PRKG1: variants seen among roughly 807,000 people sequenced by gnomAD.
PRKG1 encodes the protein cGMP-dependent protein kinase 1.
PRKG1 carries 35 observed loss-of-function variants against 88.1 expected under a neutral mutation model. That is an observed-to-expected ratio of 0.40 (90% CI 0.30 to 0.53). The LOEUF is 0.53. Among genes scored for constraint, PRKG1 ranks in the 20% least tolerant of loss-of-function variants. The pLI is 0.59. For missense variants in PRKG1, 540 were observed against 839.8 expected (o/e 0.64, Z 4.41); for synonymous variants, 303 against 292.5 (o/e 1.04, Z -0.37).
intron 3 of PRKG1, among the ~76,000 whole-genome samples, chr10:51,588,098 G>A (rs180954347): frequency 1.3e-3 from 194 of 152,270 alleles, no homozygotes; most frequent in African/African-American, 4.3e-3. Context: ...TGGAGGGACT[G>A]TCTCTTGACA....
intron 5 of PRKG1, among the ~76,000 whole-genome samples, chr10:51,966,374 A>C (rs1057502857): frequency 6.6e-6 from 1 of 152,120 alleles, no homozygotes; most frequent in Non-Finnish European, 1.5e-5. Flanking sequence ...ACTTTCTTAC[A>C]TATGAATTCA....
chr10:51,636,768 C>A (rs574817543), intron 3 of PRKG1, among the ~76,000 whole-genome samples: 1 of 152,172 alleles, frequency 6.6e-6, no homozygotes, highest in Admixed American at 6.5e-5. Flanking sequence ...TAGTTTGTTA[C>A]TTTTAACTAA....
intron 2 of PRKG1, among the ~76,000 whole-genome samples, chr10:51,332,085 A>C (rs971759994): frequency 5.9e-5 from 9 of 152,150 alleles, no homozygotes; most frequent in South Asian, 4.1e-4. Context: ...ACCTCATCAA[A>C]ATGGATAGAT....
intron 3 of PRKG1, among the ~76,000 whole-genome samples, chr10:51,718,592 T>A (rs1841940087): frequency 6.6e-6 from 1 of 152,220 alleles, no homozygotes; most frequent in Non-Finnish European, 1.5e-5. Flanking sequence ...TAAATATTCA[T>A]GAATCATAGT....
At chr10:51,675,501 G>A (rs868101701) in intron 3 of PRKG1, among the ~76,000 whole-genome samples, 3 of 152,080 alleles carry the variant, frequency 2.0e-5, no homozygotes, top group African/African-American at 4.8e-5. Flanking sequence ...CCCTTTCAGG[G>A]TATTTGAGAC....
At chr10:51,847,343 A>G (rs1840425467) in intron 4 of PRKG1, among the ~76,000 whole-genome samples, 1 of 152,196 alleles carries the variant, frequency 6.6e-6, no homozygotes. Flanking sequence ...TAATCTCTCA[A>G]AAAATAATAA....
chr10:52,164,109 G>A (rs965028331), intron 9 of PRKG1, among the ~76,000 whole-genome samples: 9 of 152,148 alleles, frequency 5.9e-5, no homozygotes, highest in African/African-American at 2.2e-4. Flanking sequence ...CCAGCACTTT[G>A]GGAGGTCAAG....
intron 2 of PRKG1, among the ~76,000 whole-genome samples, chr10:51,221,876 C>CTTTT (rs11405552): frequency 2.4e-5 from 3 of 127,178 alleles, no homozygotes; most frequent in Admixed American, 8.4e-5. Flanking sequence ...TCTTTTCTTT[C>CTTTT]TTTTTTTTTT....
At chr10:51,815,816 A>C (rs1839570344) in intron 4 of PRKG1, among the ~76,000 whole-genome samples, 1 of 152,096 alleles carries the variant, frequency 6.6e-6, no homozygotes, top group Non-Finnish European at 1.5e-5. Context: ...TGAATCTGAG[A>C]ATCCTGATTT....
intron 3 of PRKG1, among the ~76,000 whole-genome samples, chr10:51,566,587 G>T (rs1837610923): frequency 6.6e-6 from 1 of 152,028 alleles, no homozygotes; most frequent in Non-Finnish European, 1.5e-5. Flanking sequence ...TGGGGTTGGG[G>T]TGGGCAGGTA....
At chr10:52,273,101 A>G (rs1370251090) in intron 12 of PRKG1, among the ~76,000 whole-genome samples, 1 of 152,088 alleles carries the variant, frequency 6.6e-6, no homozygotes, top group Non-Finnish European at 1.5e-5. Flanking sequence ...AAGTTTGTCT[A>G]CATGGTGCTT....
chr10:51,919,901 A>G (rs1842426691), intron 5 of PRKG1, among the ~76,000 whole-genome samples: 1 of 152,186 alleles, frequency 6.6e-6, no homozygotes, highest in Non-Finnish European at 1.5e-5. Flanking sequence ...TATGCCTGGT[A>G]CTTATTAAAT....
At chr10:51,271,258 GA>G (rs1253640777) in intron 2 of PRKG1, among the ~76,000 whole-genome samples, 1 of 149,986 alleles carries the variant, frequency 6.7e-6, no homozygotes, top group Non-Finnish European at 1.5e-5. Context: ...GAAGAAATAT[GA>G]TTTTTTTTTT....
intron 3 of PRKG1, among the ~76,000 whole-genome samples, chr10:51,571,359 A>T (rs1334981300): frequency 6.6e-6 from 1 of 151,942 alleles, no homozygotes; most frequent in African/African-American, 2.4e-5. Flanking sequence ...TGATTTTCTC[A>T]TCAATAAAAT....
At chr10:51,957,481 C>T (rs1843343305) in intron 5 of PRKG1, among the ~76,000 whole-genome samples, 1 of 151,682 alleles carries the variant, frequency 6.6e-6, no homozygotes, top group African/African-American at 2.4e-5. Flanking sequence ...TCTGTAGAGA[C>T]AGGTTCTCTC....
intron 4 of PRKG1, among the ~76,000 whole-genome samples, chr10:51,890,346 A>G (rs990541411): frequency 6.6e-6 from 1 of 152,172 alleles, no homozygotes; most frequent in Non-Finnish European, 1.5e-5. Context: ...CAAACTGTGA[A>G]TCTGAAAACT....
chr10:51,172,401 A>G (rs987133402), intron 2 of PRKG1, among the ~76,000 whole-genome samples: 6 of 152,104 alleles, frequency 3.9e-5, no homozygotes, highest in African/African-American at 1.4e-4. Flanking sequence ...AATAAAACAA[A>G]TTGTTAAGAC....
At chr10:51,765,099 A>G (rs1438587498) in intron 3 of PRKG1, among the ~76,000 whole-genome samples, 1 of 152,184 alleles carries the variant, frequency 6.6e-6, no homozygotes, top group East Asian at 1.9e-4. Context: ...AGTGTGTATT[A>G]GGAAGGAAGA....
intron 3 of PRKG1, among the ~76,000 whole-genome samples, chr10:51,651,998 T>C (rs1313749990): frequency 6.6e-6 from 1 of 152,208 alleles, no homozygotes; most frequent in African/African-American, 2.4e-5. Flanking sequence ...AATTACATTA[T>C]TTAGTTTAGA....
Sources: gnomAD v4.1 joint callset for allele counts (sites outside exome capture counted in the v4.1 genomes callset) on GRCh38, gnomAD v4.1.1 for gene constraint, MANE v1.5 for transcripts, NCBI Gene and HGNC (gene_info 2026-07-23, HGNC 2026-07-21) for gene names.